SCN2A: variants seen among roughly 807,000 people sequenced by gnomAD.
The protein encoded by SCN2A is sodium channel protein type 2 subunit alpha.
SCN2A carries 20 observed loss-of-function variants against 188.7 expected under a neutral mutation model. That is an observed-to-expected ratio of 0.11 (90% CI 0.07 to 0.15). SCN2A has a LOEUF of 0.15. SCN2A is among the 10% of genes least tolerant of loss of function. The pLI, the probability that SCN2A is intolerant of heterozygous loss-of-function variation, is 1.00. For missense variants in SCN2A, 1,278 were observed against 2,445.0 expected (o/e 0.52, Z 10.07); for synonymous variants, 804 against 833.1 (o/e 0.97, Z 0.60).
At chr2:165,309,101 G>C in intron 5 of SCN2A, 1 of 1,543,504 alleles carries the variant, frequency 6.5e-7, no homozygotes, top group Non-Finnish European at 8.9e-7. Context: ...AAAAGGTCTT[G>C]ATGAAAGACC....
chr2:165,350,460 CTTTCT>C (rs1699826447), intron 16 of SCN2A, among the ~76,000 whole-genome samples: 4 of 77,918 alleles, frequency 5.1e-5, no homozygotes, highest in South Asian at 4.4e-4. Flanking sequence ...GAACTGTTTT[CTTTCT>C]TTTTTTTTTT....
At chr2:165,370,365 T>A in intron 20 of SCN2A, 66 bp downstream of exon 20, 1 of 1,514,874 alleles carries the variant, frequency 6.6e-7, no homozygotes, top group Non-Finnish European at 9.2e-7. Flanking sequence ...CAATGGTGCC[T>A]GACACAGTGT....
Position 165,291,528 on chromosome 2 carries a change from C to CTTTTCTTTCTTTCTTTCTTTCTTTCTTT in SCN2A, c.-51-4245_-51-4244insTTTTCTTTCTTTCTTTCTTTCTTTCTTT, listed in dbSNP as rs1559340566. ...CTTTCTTTCTTCCTCTCCTTTCTTTCCTTCCTTCCTTCCTTCCTTCCTTCC... is the reference window on the plus strand; with the variant it reads ...CTTTCTTTCTTCCTCTCCTTTCTTTCTTTTCTTTCTTTCTTTCTTTCTTTCTTTCTTCCTTCCTTCCTTCCTTCCTTCC... On this transcript the variant is annotated intron_variant, in intron 1 of 26. Coordinates refer to ENST00000375437, the MANE Select transcript of SCN2A (RefSeq NM_001040142.2). Among the ~76,000 whole-genome samples, 7 of 27,790 alleles carry CTTTTCTTTCTTTCTTTCTTTCTTTCTTT rather than the reference C, an allele frequency of 2.5e-4. No homozygotes were observed. In the East Asian group the frequency reaches 5.2e-3, roughly 21 times the overall value. The allele number at this position is 27,790 out of a possible 152,430, so 18.2% of individuals were successfully genotyped here. A position where few individuals can be genotyped will look rare whatever the true frequency, so the allele number is the denominator to read the frequency against.
At chr2:165,354,078 G>GA in intron 16 of SCN2A, 114 bp from the exon 17 acceptor site, 1 of 1,274,064 alleles carries the variant, frequency 7.8e-7, no homozygotes, top group East Asian at 2.3e-5. Context: ...TGAATTAGCA[G>GA]AAATGCATGT....
chr2:165,301,597 A>G (rs1696811420), intron 3 of SCN2A, among the ~76,000 whole-genome samples: 1 of 152,188 alleles, frequency 6.6e-6, no homozygotes, highest in African/African-American at 2.4e-5. Flanking sequence ...AATAATGATA[A>G]AATGTATGAC....
At chr2:165,259,938 T>A (rs1574455255) in intron 1 of SCN2A, among the ~76,000 whole-genome samples, 1 of 142,030 alleles carries the variant, frequency 7.0e-6, no homozygotes. Context: ...TGGATTTTTT[T>A]TTTTTTTTTT....
At chr2:165,373,067 T>G (rs1701127545) in intron 20 of SCN2A, 158 bp from the exon 21 acceptor site, 1 of 725,466 alleles carries the variant, frequency 1.4e-6, no homozygotes. Flanking sequence ...CCAAACTTAC[T>G]AAGTCAGACT....
chr2:165,297,933 G>C (rs141391659), intron 3 of SCN2A, among the ~76,000 whole-genome samples: 23 of 152,282 alleles, frequency 1.5e-4, no homozygotes, highest in Non-Finnish European at 2.9e-4. Context: ...AAATTAAATA[G>C]AGTAGTTGGA....
chr2:165,319,735 A>T (rs1697972493), intron 11 of SCN2A, among the ~76,000 whole-genome samples: 1 of 152,214 alleles, frequency 6.6e-6, no homozygotes, highest in East Asian at 1.9e-4. Context: ...ATCTCATGAG[A>T]CCCATTCAGT....
intron 14 of SCN2A, among the ~76,000 whole-genome samples, chr2:165,337,912 A>G (rs1699087109): frequency 6.6e-6 from 1 of 152,098 alleles, no homozygotes; most frequent in African/African-American, 2.4e-5. Flanking sequence ...TTTTTTCCTT[A>G]ATTTTTTTCA....
chr2:165,327,728 A>G (rs1698436980), intron 13 of SCN2A: 1 of 152,236 alleles, frequency 6.6e-6, no homozygotes. Flanking sequence ...TAGATAAAAC[A>G]CTGATGTATT....
chr2:165,253,780 G>A (rs891138065), intron 1 of SCN2A, among the ~76,000 whole-genome samples: 13 of 151,906 alleles, frequency 8.6e-5, no homozygotes, highest in African/African-American at 3.1e-4. Context: ...GAAATGTATA[G>A]GTATAACTAT....
intron 1 of SCN2A, chr2:165,294,226 C>A: frequency 1.9e-6 from 1 of 533,766 alleles, no homozygotes; most frequent in Non-Finnish European, 2.4e-6. Context: ...TGCAGAGGGA[C>A]CACTTTCATT....
At chr2:165,289,300 A>T (rs971073111) in intron 1 of SCN2A, among the ~76,000 whole-genome samples, 1 of 152,036 alleles carries the variant, frequency 6.6e-6, no homozygotes, top group South Asian at 2.1e-4. Context: ...ATGATTTTTT[A>T]AAATTTTAAT....
chr2:165,350,824 T>C (rs186855849), intron 16 of SCN2A, among the ~76,000 whole-genome samples: 1 of 152,158 alleles, frequency 6.6e-6, no homozygotes, highest in Non-Finnish European at 1.5e-5. Context: ...CCAGCTGTTA[T>C]GCGCATACCC....
At chr2:165,373,639 C>T (rs1269716986) in intron 21 of SCN2A, among the ~76,000 whole-genome samples, 3 of 152,100 alleles carry the variant, frequency 2.0e-5, no homozygotes, top group African/African-American at 7.2e-5. Context: ...ATGTTCACTT[C>T]ATTTATAAAT....
At chr2:165,267,424 G>A (rs1559326323) in intron 1 of SCN2A, 1 of 151,994 alleles carries the variant, frequency 6.6e-6, no homozygotes, top group Admixed American at 6.6e-5. Context: ...AATGATGTTG[G>A]AAAAACTTGG....
chr2:165,341,410 T>C (rs1699314645), intron 14 of SCN2A, among the ~76,000 whole-genome samples: 1 of 152,156 alleles, frequency 6.6e-6, no homozygotes. Context: ...GTGATATTTT[T>C]AAGGGAGAGA....
At chr2:165,297,515 A>T (rs959001679) in intron 3 of SCN2A, among the ~76,000 whole-genome samples, 1 of 152,220 alleles carries the variant, frequency 6.6e-6, no homozygotes, top group Non-Finnish European at 1.5e-5. Context: ...CTGCTTTTAC[A>T]TTTGGAAAAT....
Sources: allele counts gnomAD v4.1 joint callset (sites outside exome capture counted in the v4.1 genomes callset), GRCh38; gene constraint gnomAD v4.1.1; transcripts MANE v1.5; gene names NCBI Gene and HGNC (gene_info 2026-07-23, HGNC 2026-07-21).